Variants in FHOD3 observed in about 807,000 individuals in gnomAD.
The protein encoded by FHOD3 is FH1/FH2 domain-containing protein 3.
Under a neutral mutation model 173.0 loss-of-function variants are expected in FHOD3, and 90 were observed. The observed-to-expected ratio is 0.52, with a 90% CI of 0.44 to 0.62. The LOEUF (loss-of-function observed/expected upper bound fraction) is 0.62. FHOD3 is among the 20% of genes least tolerant of loss of function. FHOD3 has a pLI of 0.00. For synonymous variants in FHOD3, 828 were observed against 823.0 expected, an observed-to-expected ratio of 1.01 and a Z score of -0.10; for missense variants, 1,945 against 2,034.7, an observed-to-expected ratio of 0.96 and a Z score of 0.85.
chr18:36,426,935 A>G (rs183410051), intron 3 of FHOD3, among the ~76,000 whole-genome samples: 14 of 152,354 alleles, frequency 9.2e-5, no homozygotes, highest in African/African-American at 2.9e-4. Flanking sequence ...CTTAGAAGTA[A>G]GCACACACAA....
chr18:36,718,826 A>G (rs1002577759), intron 19 of FHOD3, 111 bp downstream of exon 19: 1 of 1,493,134 alleles, frequency 6.7e-7, no homozygotes, highest in Non-Finnish European at 8.9e-7. Context: ...TAAAAAGTCC[A>G]TTGGTATGAA....
intron 4 of FHOD3, among the ~76,000 whole-genome samples, chr18:36,508,673 A>C (rs1462194609): frequency 6.6e-6 from 1 of 151,528 alleles, no homozygotes; most frequent in East Asian, 1.9e-4. Flanking sequence ...CAGGTGAAAG[A>C]TGCTAGCAAA....
At chr18:36,449,878 A>G (rs1487246138) in intron 3 of FHOD3, among the ~76,000 whole-genome samples, 1 of 152,162 alleles carries the variant, frequency 6.6e-6, no homozygotes, top group African/African-American at 2.4e-5. Context: ...GATGAAAATG[A>G]CCATATTTCT....
chr18:36,689,650 G>A (rs2038837122), intron 16 of FHOD3, among the ~76,000 whole-genome samples: 1 of 152,172 alleles, frequency 6.6e-6, no homozygotes, highest in South Asian at 2.1e-4. Context: ...GGAGAAAAAA[G>A]AAGTGTGTGT....
chr18:36,762,893 AAT>A (rs1162857769), intron 27 of FHOD3, among the ~76,000 whole-genome samples: 6 of 148,200 alleles, frequency 4.0e-5, no homozygotes, highest in African/African-American at 4.9e-5. Flanking sequence ...AATTTTATAT[AAT>A]ATGTGTATTA....
intron 5 of FHOD3, among the ~76,000 whole-genome samples, chr18:36,553,495 G>C (rs2057747918): frequency 6.6e-6 from 1 of 152,106 alleles, no homozygotes; most frequent in Non-Finnish European, 1.5e-5. Context: ...CTCAATTTCA[G>C]AGCCTGCTAT....
At chr18:36,442,578 GT>G (rs753682812) in intron 3 of FHOD3, among the ~76,000 whole-genome samples, 1 of 152,116 alleles carries the variant, frequency 6.6e-6, no homozygotes, top group Non-Finnish European at 1.5e-5. Context: ...TATTTTTTAA[GT>G]TTATTTTTAT....
rs537484869 is a variant in FHOD3 at position 36,699,057 on chromosome 18, C to A, written c.2236+5634C>A. On this transcript the variant is annotated intron_variant, in intron 17 of 28. Coordinates refer to ENST00000590592, the MANE Select transcript of FHOD3 (RefSeq NM_001281740.3). ...GGAGACCCTATCTTCTAAGAGAAGA[C>A]CCTGTCTTCTAAGGCTCCTTGCTAT... is the stretch of plus-strand genomic sequence containing the variant. 3.0e-4 allele frequency among the ~76,000 whole-genome samples: 46 copies of A among 152,302 alleles called. 1 individual carries two copies. The highest frequency in any genetic ancestry group is 1.1e-3 in the African/African-American group (46 of 41,568).
At chr18:36,616,378 T>A (rs1033314897) in intron 9 of FHOD3, among the ~76,000 whole-genome samples, 1 of 152,150 alleles carries the variant, frequency 6.6e-6, no homozygotes, top group Non-Finnish European at 1.5e-5. Context: ...GAGAGAGTAG[T>A]GAAGAATAGC....
At position 36,705,889 on chromosome 18, in the gene FHOD3, C is replaced by T. The variant is rs188073177; in HGVS notation, c.2237-3206C>T. 8.3e-4 allele frequency among the ~76,000 whole-genome samples: 126 copies of T among 151,536 alleles called. 1 individual carries two copies. The highest frequency in any genetic ancestry group is 1.2e-3 in the Non-Finnish European group (82 of 67,958). On this transcript the variant is annotated intron_variant, in intron 17 of 28. Coordinates refer to ENST00000590592, the MANE Select transcript of FHOD3 (RefSeq NM_001281740.3). ...CGGGACTTGGTGGGTATAAATGAGA[C>T]GTTTTCCTGCATTTTCCCAGAGGGC...
chr18:36,330,790 G>A (rs929044730), intron 1 of FHOD3, among the ~76,000 whole-genome samples: 1 of 152,196 alleles, frequency 6.6e-6, no homozygotes, highest in African/African-American at 2.4e-5. Flanking sequence ...CCACATCAGG[G>A]TTAGGGGGTC....
intron 5 of FHOD3, among the ~76,000 whole-genome samples, chr18:36,567,377 T>C (rs1243235572): frequency 1.3e-5 from 2 of 152,188 alleles, no homozygotes; most frequent in African/African-American, 4.8e-5. Flanking sequence ...AAATGGACCC[T>C]GGGCCCAGGA....
chr18:36,537,939 G>T (rs916219250), intron 5 of FHOD3, among the ~76,000 whole-genome samples: 3 of 152,078 alleles, frequency 2.0e-5, no homozygotes, highest in Non-Finnish European at 2.9e-5. Flanking sequence ...CATATACTGG[G>T]CTGTAAAAAT....
intron 3 of FHOD3, among the ~76,000 whole-genome samples, chr18:36,387,338 G>A (rs1719746331): frequency 6.6e-6 from 1 of 152,168 alleles, no homozygotes; most frequent in African/African-American, 2.4e-5. Context: ...AGCCATGAGG[G>A]TGTCTTAGGT....
intron 5 of FHOD3, among the ~76,000 whole-genome samples, chr18:36,542,265 C>T (rs558123029): frequency 1.4e-4 from 22 of 152,168 alleles, no homozygotes; most frequent in African/African-American, 5.3e-4. Context: ...TCATGATGTC[C>T]ACGGTTAATG....
intron 8 of FHOD3, among the ~76,000 whole-genome samples, chr18:36,609,607 C>CTTTTTTTTTTT (rs1181851197): frequency 8.5e-6 from 1 of 118,190 alleles, no homozygotes; most frequent in Non-Finnish European, 1.8e-5. Context: ...CTTTTTAGTT[C>CTTTTTTTTTTT]TTTTTTTTTT....
intron 3 of FHOD3, among the ~76,000 whole-genome samples, chr18:36,493,849 C>G (rs1484502047): frequency 6.6e-6 from 1 of 152,184 alleles, no homozygotes; most frequent in Admixed American, 6.5e-5. Flanking sequence ...CTTCCCTGAG[C>G]AGAGGAGAGG....
At chr18:36,562,755 T>G (rs2058131608) in intron 5 of FHOD3, among the ~76,000 whole-genome samples, 1 of 152,154 alleles carries the variant, frequency 6.6e-6, no homozygotes, top group African/African-American at 2.4e-5. Context: ...AAAGTAATAG[T>G]TTGGTTTAGC....
intron 10 of FHOD3, among the ~76,000 whole-genome samples, chr18:36,642,808 C>G (rs1445238968): frequency 6.6e-6 from 1 of 152,134 alleles, no homozygotes; most frequent in Admixed American, 6.5e-5. Flanking sequence ...GCTTCCCAAT[C>G]TCCCATCCCT....
Sources: gnomAD v4.1 joint callset for allele counts (sites outside exome capture counted in the v4.1 genomes callset) on GRCh38, gnomAD v4.1.1 for gene constraint, MANE v1.5 for transcripts, NCBI Gene and HGNC (gene_info 2026-07-23, HGNC 2026-07-21) for gene names.